The following SLAIN2 variants were observed in gnomAD, a reference collection of about 807,000 sequenced individuals.
The protein encoded by SLAIN2 is SLAIN motif-containing protein 2.
SLAIN2 carries 31 observed loss-of-function variants against 56.6 expected under a neutral mutation model. The ratio of observed to expected loss-of-function variants is 0.55; its 90% CI spans 0.41 to 0.74. SLAIN2 has a LOEUF of 0.74. Ranked by LOEUF, SLAIN2 falls within the 30% of genes least tolerant of loss-of-function variation. The pLI is 0.00. For synonymous variants in SLAIN2, 317 were observed against 284.9 expected (o/e 1.11, Z -1.13); for missense variants, 777 against 754.2 (o/e 1.03, Z -0.35).
At chr4:48,374,246 C>CT (rs1715745050) in intron 2 of SLAIN2, among the ~76,000 whole-genome samples, 1 of 151,776 alleles carries the variant, frequency 6.6e-6, no homozygotes, top group Admixed American at 6.6e-5. Context: ...TATTCTTTTT[C>CT]TTTTTTTGGA....
intron 4 of SLAIN2, among the ~76,000 whole-genome samples, 146 bp from the exon 5 acceptor site, chr4:48,382,412 CATATAAGCCT>C (rs1164199305): frequency 6.6e-6 from 1 of 152,208 alleles, no homozygotes; most frequent in African/African-American, 2.4e-5. Flanking sequence ...CTTATATGGA[CATATAAGCCT>C]ATATAAGTCT....
At chr4:48,408,543 A>AAAG (rs1328241413) in intron 6 of SLAIN2, among the ~76,000 whole-genome samples, 1 of 151,444 alleles carries the variant, frequency 6.6e-6, no homozygotes, top group African/African-American at 2.4e-5. Flanking sequence ...AAAAAAAAAA[A>AAAG]AAAAAAATTC....
chr4:48,389,152 T>C (rs1409875082), intron 6 of SLAIN2, among the ~76,000 whole-genome samples: 1 of 151,974 alleles, frequency 6.6e-6, no homozygotes, highest in Non-Finnish European at 1.5e-5. Flanking sequence ...TAAGAATGAA[T>C]GAAACATTTA....
chr4:48,418,851 AGT>A (rs34754943), intron 6 of SLAIN2, among the ~76,000 whole-genome samples: 43,609 of 151,748 alleles, frequency 0.29, 6,507 homozygotes, highest in South Asian at 0.48. Flanking sequence ...AACATTCTAC[AGT>A]GTGTGTGTGT....
intron 6 of SLAIN2, among the ~76,000 whole-genome samples, chr4:48,412,801 GTCTTTC>G (rs1279442700): frequency 6.6e-6 from 1 of 152,116 alleles, no homozygotes; most frequent in East Asian, 1.9e-4. Flanking sequence ...AGGTTTCTGT[GTCTTTC>G]TCTTTTATGG....
chr4:48,371,109 G>T (rs1253762171), intron 2 of SLAIN2, among the ~76,000 whole-genome samples: 56 of 140,418 alleles, frequency 4.0e-4, no homozygotes, highest in East Asian at 2.7e-3. Flanking sequence ...TTTTTGTTTT[G>T]TTTTTTTTTT....
At chr4:48,372,436 T>G (rs1715694998) in intron 2 of SLAIN2, among the ~76,000 whole-genome samples, 1 of 152,150 alleles carries the variant, frequency 6.6e-6, no homozygotes, top group Non-Finnish European at 1.5e-5. Context: ...CATAAATGAG[T>G]GGGCATGGCT....
intron 6 of SLAIN2, among the ~76,000 whole-genome samples, chr4:48,405,380 A>C (rs1346360836): frequency 6.6e-6 from 1 of 151,800 alleles, no homozygotes; most frequent in African/African-American, 2.4e-5. Context: ...TGTCTTTTTA[A>C]GTTTCTCTTA....
intron 6 of SLAIN2, among the ~76,000 whole-genome samples, chr4:48,408,491 T>C (rs1273736183): frequency 5.3e-5 from 7 of 132,514 alleles, no homozygotes; most frequent in Non-Finnish European, 9.2e-5. Flanking sequence ...TAACCCTGTA[T>C]AGGCTTAGGC....
intron 1 of SLAIN2, among the ~76,000 whole-genome samples, chr4:48,346,850 T>C (rs1240530208): frequency 1.3e-4 from 19 of 149,422 alleles, no homozygotes; most frequent in Non-Finnish European, 2.5e-4. Context: ...TTTTTTTTTT[T>C]TTTTTAAGAG....
chr4:48,422,330 G>T lies in SLAIN2; in HGVS notation c.*253G>T. ...TTTTAGTTTTGTTTAATAGAAACTA[G>T]GTTGATTTTTAAAAAATATTTGACA... On this transcript the variant is annotated 3_prime_UTR_variant, in exon 8 of 8. Transcript: ENST00000264313. 3.0e-6 allele frequency: 1 copy of T among 331,302 alleles called. No individual in the cohort carries two copies. Among genetic ancestry groups the T allele is most frequent in the Admixed American group, 4.7e-5 (1 of 21,460 alleles). 20.5% of individuals were successfully genotyped at this position (331,302 alleles called of 1,614,324 possible).
chr4:48,381,373 A>G (rs1271333395), intron 4 of SLAIN2, among the ~76,000 whole-genome samples: 1 of 151,982 alleles, frequency 6.6e-6, no homozygotes, highest in Non-Finnish European at 1.5e-5. Context: ...TGTCTTAGAG[A>G]TGATTTTCCT....
At chr4:48,421,071 G>A (rs13115295) in intron 7 of SLAIN2, among the ~76,000 whole-genome samples, 87,962 of 151,452 alleles carry the variant, frequency 0.58, 26,050 homozygotes, top group South Asian at 0.71. Flanking sequence ...GCTGGAGTGC[G>A]GTGGTGCAAT....
intron 6 of SLAIN2, among the ~76,000 whole-genome samples, chr4:48,408,094 T>C (rs1716746415): frequency 6.6e-6 from 1 of 152,108 alleles, no homozygotes; most frequent in South Asian, 2.1e-4. Flanking sequence ...GCCAGCACTT[T>C]GGGCGGCTGA....
intron 1 of SLAIN2, among the ~76,000 whole-genome samples, chr4:48,364,965 T>G (rs1715471681): frequency 6.6e-6 from 1 of 152,108 alleles, no homozygotes; most frequent in South Asian, 2.1e-4. Flanking sequence ...GTTCTCTTTC[T>G]TGAGTTTTTA....
intron 6 of SLAIN2, among the ~76,000 whole-genome samples, chr4:48,411,546 C>G (rs1025392961): frequency 6.6e-6 from 1 of 151,474 alleles, no homozygotes; most frequent in African/African-American, 2.4e-5. Context: ...TTTATCTGGA[C>G]TTCATTTTCC....
Position 48,423,926 on chromosome 4 carries a change from T to C in SLAIN2, c.*1849T>C, listed in dbSNP as rs748344490. 9.9e-5 allele frequency: 15 copies of C among 152,086 alleles called. No individual in the cohort carries two copies. Among genetic ancestry groups the C allele is most frequent in the Non-Finnish European group, 1.6e-4 (11 of 67,992 alleles). The allele number at this position is 152,086 out of a possible 1,614,324, so 9.4% of individuals were successfully genotyped here. A position where few individuals can be genotyped will look rare whatever the true frequency, so the allele number is the denominator to read the frequency against. ...TGTCTAAGTAAGTAAAAGAAAGAAG[T>C]AGCTACTGTCTCTTTTAAAAACCAC... On this transcript the variant is annotated 3_prime_UTR_variant, in exon 8 of 8. Transcript: ENST00000264313.
At chr4:48,366,424 A>G (rs1715521858) in intron 1 of SLAIN2, among the ~76,000 whole-genome samples, 1 of 152,172 alleles carries the variant, frequency 6.6e-6, no homozygotes, top group Admixed American at 6.5e-5. Flanking sequence ...CCCCAAAACA[A>G]AATTTCTGAA....
Position 48,375,809 on chromosome 4 carries a change from G to A in SLAIN2, c.539-2087G>A, listed in dbSNP as rs539415860. On this transcript the variant is annotated intron_variant, in intron 2 of 7. Coordinates refer to ENST00000264313, the MANE Select transcript of SLAIN2 (RefSeq NM_020846.2). The stretch of plus-strand genomic sequence containing the variant: ...TTACCTGAGCATGCTCTGCATTTCC[G>A]AGACACTGCTTTTGTTCATCTTATA... 9.2e-5 allele frequency among the ~76,000 whole-genome samples: 14 copies of A among 152,178 alleles called. No individual in the cohort carries two copies. In the South Asian group the frequency reaches 2.9e-3, roughly 32 times the overall value.
Sources: allele counts gnomAD v4.1 joint callset (sites outside exome capture counted in the v4.1 genomes callset), GRCh38; gene constraint gnomAD v4.1.1; transcripts MANE v1.5; gene names NCBI Gene and HGNC (gene_info 2026-07-23, HGNC 2026-07-21).